CARMIL1: variants seen among roughly 807,000 people sequenced by gnomAD.
CARMIL1 encodes F-actin-uncapping protein LRRC16A.
Under a neutral mutation model 177.1 loss-of-function variants are expected in CARMIL1, and 90 were observed. That is an observed-to-expected ratio of 0.51 (90% CI 0.43 to 0.61). CARMIL1 has a LOEUF of 0.61. CARMIL1 is among the 20% of genes least tolerant of loss of function. The pLI is 0.00. For synonymous variants in CARMIL1, 577 were observed against 606.2 expected, an observed-to-expected ratio of 0.95 and a Z score of 0.71; for missense variants, 1,380 against 1,667.0, an observed-to-expected ratio of 0.83 and a Z score of 3.00.
intron 5 of CARMIL1, among the ~76,000 whole-genome samples, chr6:25,439,003 A>G (rs1031752850): frequency 1.3e-5 from 2 of 152,032 alleles, no homozygotes; most frequent in African/African-American, 4.8e-5. Context: ...GAGAGGGTAG[A>G]TGTAAGCTTT....
Position 25,526,150 on chromosome 6 carries a change from CAAATAAATAAATAAAT to C in CARMIL1, c.1969-2614_1969-2599del, listed in dbSNP as rs71544642. The stretch of plus-strand genomic sequence containing the variant: ...TGAAACCCTGTCTCTACTAAAAATA[CAAATAAATAAATAAAT>C]AAATAAATAAATAAATAAATAAATA... On this transcript the variant is annotated intron_variant, in intron 23 of 36. Transcript: ENST00000329474. 2.9e-3 allele frequency among the ~76,000 whole-genome samples: 404 copies of C among 139,220 alleles called. 2 individuals carry two copies. Among genetic ancestry groups the C allele is most frequent in the African/African-American group, 9.3e-3 (347 of 37,486 alleles). The allele number at this position is 139,220 out of a possible 152,430, so 91.3% of individuals were successfully genotyped here. A position where few individuals can be genotyped will look rare whatever the true frequency, so the allele number is the denominator to read the frequency against.
intron 10 of CARMIL1, among the ~76,000 whole-genome samples, chr6:25,471,589 TA>T (rs1468336400): frequency 7.9e-5 from 12 of 152,192 alleles, no homozygotes; most frequent in African/African-American, 2.9e-4. Flanking sequence ...ATGGGGATAA[TA>T]ATAATGCCTA....
chr6:25,482,261 G>A lies in CARMIL1; in HGVS notation c.879G>A (p.Val293=). 1.3e-6 allele frequency: 2 copies of A among 1,551,456 alleles called. No homozygotes were observed. The highest frequency in any genetic ancestry group is 1.8e-6 in the Non-Finnish European group (2 of 1,136,370). ...CGCTTCTTTTTCCTTTCTCAGGTGT[G>A]TCCTCTTTAAGTATTCAATTTGCCA... ...LAGNPLEDRG[V]SSLSIQFAKL... is the part of the protein sequence containing the mutation. The change falls in exon 12 of 37, where the codon GTG becomes GTA. Residue 293 remains valine, a synonymous_variant. Transcript: ENST00000329474.
At chr6:25,526,822 G>A (rs1807188661) in intron 23 of CARMIL1, among the ~76,000 whole-genome samples, 1 of 152,046 alleles carries the variant, frequency 6.6e-6, no homozygotes, top group South Asian at 2.1e-4. Flanking sequence ...CAAAGTGTTG[G>A]GATTGAAGCA....
chr6:25,461,670 A>G (rs1800131669), intron 8 of CARMIL1, among the ~76,000 whole-genome samples: 1 of 152,130 alleles, frequency 6.6e-6, no homozygotes. Flanking sequence ...ATAAATTTTG[A>G]TTTTTCTTGG....
At chr6:25,560,379 G>A (rs1183927194) in intron 29 of CARMIL1, among the ~76,000 whole-genome samples, 1 of 152,082 alleles carries the variant, frequency 6.6e-6, no homozygotes, top group East Asian at 1.9e-4. Flanking sequence ...CTGTTTTACA[G>A]CCTGTGTCTA....
At chr6:25,455,995 C>A (rs1203115727) in intron 8 of CARMIL1, among the ~76,000 whole-genome samples, 3 of 152,274 alleles carry the variant, frequency 2.0e-5, no homozygotes, top group East Asian at 3.9e-4. Context: ...CACCAAGAGC[C>A]CCTACTACTG....
intron 4 of CARMIL1, among the ~76,000 whole-genome samples, chr6:25,433,386 G>A (rs1796974882): frequency 6.6e-6 from 1 of 152,240 alleles, no homozygotes; most frequent in Non-Finnish European, 1.5e-5. Context: ...TGGTGGGAAG[G>A]TTGGGAGTAG....
chr6:25,409,418 A>G (rs943089090), intron 2 of CARMIL1, among the ~76,000 whole-genome samples: 1 of 152,218 alleles, frequency 6.6e-6, no homozygotes, highest in Non-Finnish European at 1.5e-5. Flanking sequence ...TATCTCTAGT[A>G]CTTAAACTAG....
intron 11 of CARMIL1, among the ~76,000 whole-genome samples, chr6:25,476,268 G>A (rs187161625): frequency 2.6e-5 from 4 of 152,082 alleles, no homozygotes; most frequent in East Asian, 3.9e-4. Flanking sequence ...ATCTAGCTGC[G>A]TCCCATTCAC....
chr6:25,606,018 C>T (rs1815930686), intron 34 of CARMIL1, 43 bp from the exon 35 acceptor site: 2 of 1,438,544 alleles, frequency 1.4e-6, no homozygotes, highest in South Asian at 1.3e-5. Flanking sequence ...AAGTTATTGG[C>T]TTCTTTGACC....
chr6:25,596,380 G>C (rs1021803068), intron 32 of CARMIL1, among the ~76,000 whole-genome samples: 1 of 152,112 alleles, frequency 6.6e-6, no homozygotes. Context: ...GAAGTAGTAC[G>C]AAGAAAGTTT....
intron 31 of CARMIL1, among the ~76,000 whole-genome samples, chr6:25,589,400 G>A (rs1814086955): frequency 6.6e-6 from 1 of 152,176 alleles, no homozygotes; most frequent in Admixed American, 6.5e-5. Context: ...CCATTTACAA[G>A]TCTTGTTACT....
chr6:25,571,182 T>C (rs1385964918), intron 29 of CARMIL1, among the ~76,000 whole-genome samples: 2 of 152,140 alleles, frequency 1.3e-5, no homozygotes, highest in Non-Finnish European at 2.9e-5. Flanking sequence ...TCTAGGATAT[T>C]TTATATCAAA....
intron 2 of CARMIL1, among the ~76,000 whole-genome samples, chr6:25,338,254 C>A (rs1228500631): frequency 1.3e-4 from 9 of 70,282 alleles, no homozygotes; most frequent in Non-Finnish European, 2.3e-4. Flanking sequence ...AAGACTCTGT[C>A]TCAAAAAAAA....
chr6:25,363,710 AT>A (rs1789468205), intron 2 of CARMIL1, among the ~76,000 whole-genome samples: 1 of 152,214 alleles, frequency 6.6e-6, no homozygotes, highest in Non-Finnish European at 1.5e-5. Context: ...CATGCCAGAC[AT>A]TTTAAGGTGA....
chr6:25,420,440 C>A (rs1795752639), intron 3 of CARMIL1: 1 of 353,444 alleles, frequency 2.8e-6, no homozygotes, highest in African/African-American at 2.1e-5. Context: ...GTAAAGGCAT[C>A]CCAAGAAAAT....
At chr6:25,559,850 A>T (rs941982649) in intron 29 of CARMIL1, among the ~76,000 whole-genome samples, 9 of 152,188 alleles carry the variant, frequency 5.9e-5, no homozygotes, top group African/African-American at 2.2e-4. Flanking sequence ...CTGGATTTCT[A>T]GTCTTCATGT....
intron 11 of CARMIL1, among the ~76,000 whole-genome samples, chr6:25,477,307 C>T (rs1562191508): frequency 6.6e-6 from 1 of 151,998 alleles, no homozygotes; most frequent in Non-Finnish European, 1.5e-5. Context: ...CATCTATGTA[C>T]AGAGGACCAG....
Sources: gnomAD v4.1 joint callset for allele counts (sites outside exome capture counted in the v4.1 genomes callset) on GRCh38, gnomAD v4.1.1 for gene constraint, MANE v1.5 for transcripts, NCBI Gene and HGNC (gene_info 2026-07-23, HGNC 2026-07-21) for gene names.